The following PAICS variants were observed in gnomAD, a reference collection of about 807,000 sequenced individuals.
The protein encoded by PAICS is phosphoribosylaminoimidazole carboxylase and phosphoribosylaminoimidazolesuccinocarboxamide synthase.
A neutral mutation model predicts 53.7 loss-of-function variants in PAICS; 33 were observed. The observed-to-expected ratio is 0.61, with a 90% confidence interval of 0.47 to 0.82. The LOEUF is 0.82. Among genes scored for constraint, PAICS ranks in the 40% least tolerant of loss-of-function variants. PAICS has a pLI of 0.00. For missense variants in PAICS, 394 were observed against 494.1 expected, an observed-to-expected ratio of 0.80 and a Z score of 1.92; for synonymous variants, 141 against 167.2, an observed-to-expected ratio of 0.84 and a Z score of 1.21.
chr4:56,435,849 A>C, upstream of PAICS: 1 of 1,491,960 alleles, frequency 6.7e-7, no homozygotes, highest in Non-Finnish European at 9.0e-7. Flanking sequence ...GGAGTAACGG[A>C]CTTAACCTCA....
chr4:56,435,765 G>A, upstream of PAICS: 4 of 1,497,738 alleles, frequency 2.7e-6, no homozygotes, highest in South Asian at 3.7e-5. Context: ...CTTCCCCTAA[G>A]AGCTGCCTGG....
chr4:56,446,581 AT>A, intron 2 of PAICS, 113 bp from the exon 3 acceptor site: 1 of 669,148 alleles, frequency 1.5e-6, no homozygotes, highest in Non-Finnish European at 2.6e-6. Flanking sequence ...AATTACACTT[AT>A]TTTTGATAGA....
the PAICS span, among the ~76,000 whole-genome samples, chr4:56,426,964 T>C: frequency 6.6e-6 from 1 of 152,224 alleles, no homozygotes; most frequent in South Asian, 2.1e-4. Flanking sequence ...AATTTGACTA[T>C]TCTAGGTACC....
upstream of PAICS, among the ~76,000 whole-genome samples, chr4:56,431,095 A>C (rs940168707): frequency 2.0e-5 from 3 of 152,158 alleles, no homozygotes; most frequent in Admixed American, 2.0e-4. Context: ...AACAATTTGC[A>C]AGGACACTTA....
chr4:56,435,352 G>C (rs779886575), upstream of PAICS: 1 of 1,613,692 alleles, frequency 6.2e-7, no homozygotes, highest in Non-Finnish European at 8.5e-7. Context: ...TTGCTCACCG[G>C]TGCTGCAGCC....
chr4:56,435,260 G>T, upstream of PAICS: 1 of 1,569,448 alleles, frequency 6.4e-7, no homozygotes, highest in South Asian at 1.2e-5. Flanking sequence ...GTCCTCCCGG[G>T]CCCTCGGGCG....
At chr4:56,439,734 C>G (rs937717883) in intron 1 of PAICS, among the ~76,000 whole-genome samples, 1 of 152,086 alleles carries the variant, frequency 6.6e-6, no homozygotes, top group Non-Finnish European at 1.5e-5. Flanking sequence ...TGGCCCACTG[C>G]GGCCTCGACC....
chr4:56,419,996 T>G, the PAICS span: 1 of 985,076 alleles, frequency 1.0e-6, no homozygotes, highest in Non-Finnish European at 1.2e-6. Flanking sequence ...AATCCCAAGA[T>G]GGAGAACATG....
At chr4:56,434,000 A>G (rs988579301), upstream of PAICS, among the ~76,000 whole-genome samples, 3 of 152,184 alleles carry the variant, frequency 2.0e-5, no homozygotes, top group Admixed American at 2.0e-4. Context: ...ATAGTTTCTA[A>G]GAATGTTACA....
intron 8 of PAICS, among the ~76,000 whole-genome samples, chr4:56,454,471 TAAGA>T (rs906243913): frequency 3.9e-5 from 6 of 152,208 alleles, no homozygotes; most frequent in Non-Finnish European, 7.3e-5. Context: ...TATTCACACC[TAAGA>T]AAGACTAGTG....
At chr4:56,443,609 G>C (rs1288304131) in intron 2 of PAICS, among the ~76,000 whole-genome samples, 1 of 152,024 alleles carries the variant, frequency 6.6e-6, no homozygotes, top group Non-Finnish European at 1.5e-5. Context: ...GTGTACCCTT[G>C]GTAGTTTCAC....
At chr4:56,437,081 G>T (rs1399124340) in intron 1 of PAICS, among the ~76,000 whole-genome samples, 1 of 151,604 alleles carries the variant, frequency 6.6e-6, no homozygotes, top group Non-Finnish European at 1.5e-5. Flanking sequence ...GTGCACGCGC[G>T]CGTGAAGTAG....
upstream of PAICS, chr4:56,435,943 C>G: frequency 6.7e-7 from 1 of 1,496,514 alleles, no homozygotes; most frequent in South Asian, 1.1e-5. Flanking sequence ...GCTCCAACTT[C>G]TGAGTCGCTC....
At chr4:56,435,918 G>A (rs750777072), upstream of PAICS, 4 of 1,491,868 alleles carry the variant, frequency 2.7e-6, no homozygotes, top group South Asian at 2.2e-5. Context: ...CCCCCAGGCC[G>A]TCAAGACTTG....
At chr4:56,414,646 G>C in the PAICS span, among the ~76,000 whole-genome samples, 55 of 152,352 alleles carry the variant, frequency 3.6e-4, no homozygotes, top group African/African-American at 1.2e-3. Flanking sequence ...AGAGGTTGGA[G>C]AGAGAGCTTT....
the PAICS span, among the ~76,000 whole-genome samples, chr4:56,411,831 G>A: frequency 3.3e-5 from 5 of 152,132 alleles, no homozygotes; most frequent in Non-Finnish European, 5.9e-5. Context: ...GGGGTTAAGA[G>A]GACAAAGATT....
At chr4:56,434,254 T>C (rs1242833103), upstream of PAICS, among the ~76,000 whole-genome samples, 1 of 152,156 alleles carries the variant, frequency 6.6e-6, no homozygotes, top group Non-Finnish European at 1.5e-5. Flanking sequence ...CCTGGGACAA[T>C]GAAAACAGCA....
the PAICS span, among the ~76,000 whole-genome samples, chr4:56,416,858 TTTTTC>T: frequency 1.3e-5 from 2 of 152,198 alleles, no homozygotes; most frequent in African/African-American, 4.8e-5. Context: ...TTTGCTTCTA[TTTTTC>T]TTTTCTTTTC....
At chr4:56,450,870 T>C (rs1035378123) in intron 6 of PAICS, 168 bp downstream of exon 6, 11 of 522,896 alleles carry the variant, frequency 2.1e-5, no homozygotes, top group African/African-American at 1.8e-4. Context: ...CAGGCTGGAG[T>C]GCAGTGGCGC....
Sources: allele counts gnomAD v4.1 joint callset (sites outside exome capture counted in the v4.1 genomes callset), GRCh38; gene constraint gnomAD v4.1.1; transcripts MANE v1.5; gene names NCBI Gene and HGNC (gene_info 2026-07-23, HGNC 2026-07-21).